BLVRA: variants seen among roughly 807,000 people sequenced by gnomAD.
BLVRA encodes the protein biliverdin reductase A, also known as BVR A.
In BLVRA, 22 loss-of-function variants were observed where a neutral mutation model predicts 32.8. The observed-to-expected ratio is 0.67, with a 90% CI of 0.48 to 0.96. The LOEUF (loss-of-function observed/expected upper bound fraction) is 0.96, where lower values mean the gene tolerates loss of function less well. Ranked by LOEUF, BLVRA falls within the 40% of genes least tolerant of loss-of-function variation. The pLI is 0.00. For synonymous variants in BLVRA, 119 were observed against 141.3 expected, an observed-to-expected ratio of 0.84 and a Z score of 1.12; for missense variants, 323 against 358.1, an observed-to-expected ratio of 0.90 and a Z score of 0.79.
chr7:43,761,141 A>G lies in BLVRA; in HGVS notation c.-22+2407A>G, dbSNP rs540234562. The stretch of plus-strand genomic sequence containing the variant: ...TGCTAGATCTGCCTTATGGTCAGAA[A>G]TGAAGGTTGAACTCTCAGGAACAGT... On this transcript the variant is annotated intron_variant, in intron 1 of 7. Coordinates refer to ENST00000265523, the MANE Select transcript of BLVRA (RefSeq NM_000712.4). Among the ~76,000 whole-genome samples, 13 of 152,336 alleles carry G rather than the reference A, an allele frequency of 8.5e-5. No individual in the cohort carries two copies. In the East Asian group the frequency reaches 2.5e-3, roughly 29 times the overall value.
intron 1 of BLVRA, among the ~76,000 whole-genome samples, chr7:43,770,707 C>A (rs2095753786): frequency 6.6e-6 from 1 of 152,102 alleles, no homozygotes; most frequent in South Asian, 2.1e-4. Flanking sequence ...TACTAAATTG[C>A]AGTCCTCCAG....
rs368001334 is a variant in BLVRA at position 43,791,358 on chromosome 7, G to C, written c.244G>C (p.Asp82His). The C allele has an allele frequency of 6.2e-7, 1 of 1,614,036 alleles. No homozygotes were observed. Among genetic ancestry groups the C allele is most frequent in the Non-Finnish European group, 8.5e-7 (1 of 1,180,024 alleles). The change falls in exon 4 of 8, where the codon GAC becomes CAC. Residue 82 changes from aspartate to histidine, a missense_variant. Asp to His is a moderately conservative substitution (Grantham distance 81, BLOSUM62 -1). Coordinates refer to ENST00000265523, the MANE Select transcript of BLVRA (RefSeq NM_000712.4). ...CTGCAGTGAGAGCTCCAGCCATGAG[G>C]ACTACATCAGGTGGGTTTTCCACAC... Reference protein sequence around the residue: ...YICSESSSHEDYIRQFLNAGK... With the variant: ...YICSESSSHEHYIRQFLNAGK...
intron 6 of BLVRA, among the ~76,000 whole-genome samples, chr7:43,802,646 G>A (rs2095799821): frequency 6.6e-6 from 1 of 152,066 alleles, no homozygotes; most frequent in South Asian, 2.1e-4. Context: ...CTGCAGGTGT[G>A]CACCACGACA....
chr7:43,807,176 A>G lies in BLVRA; in HGVS notation c.832A>G (p.Ile278Val). The G allele has an allele frequency of 6.2e-7, 1 of 1,613,108 alleles. No homozygotes were observed. Among genetic ancestry groups the G allele is most frequent in the Non-Finnish European group, 8.5e-7 (1 of 1,179,996 alleles). ...EKELAAEKKR[I>V]LHCLGLAEEI... is the part of the protein sequence containing the mutation. ...GGAACTGGCTGCTGAAAAGAAACGCATCCTGCACTGCCTGGGGCTTGCAGA... is the reference window on the plus strand; with the variant it reads ...GGAACTGGCTGCTGAAAAGAAACGCGTCCTGCACTGCCTGGGGCTTGCAGA... Residue 278 changes from isoleucine to valine, a missense_variant, in exon 8 of 8, where the codon ATC (isoleucine) becomes GTC (valine). Physicochemically the swap from Ile to Val is conservative, Grantham distance 29 (BLOSUM62 3). Transcript: ENST00000265523.
intron 2 of BLVRA, among the ~76,000 whole-genome samples, chr7:43,782,087 C>A (rs929507514): frequency 1.3e-5 from 2 of 152,180 alleles, no homozygotes; most frequent in Admixed American, 1.3e-4. Context: ...CTGTAGCTGT[C>A]GGGGTGCCTC....
In BLVRA at chr7:43,803,669, C is replaced by G; in HGVS notation, c.461-7C>G. On this transcript the variant is annotated splice_region_variant and splice_polypyrimidine_tract_variant and intron_variant, in intron 6 of 7. Transcript: ENST00000265523. ...CCAGTTCCCACAGCATTTGTGATTTCCCACAGCTGGCCCGTTGGAAGAAGA... is the reference window on the plus strand; with the variant it reads ...CCAGTTCCCACAGCATTTGTGATTTGCCACAGCTGGCCCGTTGGAAGAAGA... 1 of 1,503,626 alleles carries G rather than the reference C, an allele frequency of 6.7e-7. No individual in the cohort carries two copies. Among genetic ancestry groups the G allele is most frequent in the Non-Finnish European group, 9.0e-7 (1 of 1,111,360 alleles). The allele number at this position is 1,503,626 out of a possible 1,614,324, so 93.1% of individuals were successfully genotyped here.
intron 6 of BLVRA, among the ~76,000 whole-genome samples, chr7:43,801,758 C>T (rs1585743804): frequency 1.3e-5 from 2 of 152,110 alleles, no homozygotes; most frequent in African/African-American, 2.4e-5. Context: ...ACAGAGGTAA[C>T]GTAGCGGTCA....
At chr7:43,794,553 G>C (rs1377360646) in intron 5 of BLVRA, among the ~76,000 whole-genome samples, 3 of 152,072 alleles carry the variant, frequency 2.0e-5, no homozygotes, top group Non-Finnish European at 4.4e-5. Context: ...TGGCCAACAT[G>C]GTGAAACCCC....
At chr7:43,761,736 C>T (rs1025643405) in intron 1 of BLVRA, among the ~76,000 whole-genome samples, 2 of 152,122 alleles carry the variant, frequency 1.3e-5, no homozygotes, top group Non-Finnish European at 2.9e-5. Context: ...GGGATGCAGT[C>T]AGTGAAAGTG....
At chr7:43,785,163 T>C (rs908819294) in intron 2 of BLVRA, among the ~76,000 whole-genome samples, 5 of 152,108 alleles carry the variant, frequency 3.3e-5, no homozygotes, top group Admixed American at 6.6e-5. Flanking sequence ...AATGTAGTAA[T>C]ACGGTAACCT....
rs578214871 is a variant in BLVRA, at chr7:43,783,046, G to A, written c.13-4858G>A. 8.3e-4 allele frequency among the ~76,000 whole-genome samples: 126 copies of A among 152,254 alleles called. 1 individual carries two copies. The highest frequency in any genetic ancestry group is 2.9e-3 in the African/African-American group (122 of 41,546). ...TGTAGAGGGAGCTCCAGGAAGGGAA[G>A]CGGGAGTGAGCCAAGGCGCTATACA... On this transcript the variant is annotated intron_variant, in intron 2 of 7. Coordinates refer to ENST00000265523, the MANE Select transcript of BLVRA (RefSeq NM_000712.4).
At chr7:43,806,583 A>C (rs1455094103) in intron 7 of BLVRA, among the ~76,000 whole-genome samples, 1 of 151,690 alleles carries the variant, frequency 6.6e-6, no homozygotes, top group Non-Finnish European at 1.5e-5. Flanking sequence ...TTCTACTAAA[A>C]ATATTTTTTT....
At chr7:43,759,993 T>TA (rs2095740511) in intron 1 of BLVRA, 1 of 131,542 alleles carries the variant, frequency 7.6e-6, no homozygotes, top group Non-Finnish European at 1.7e-5. Flanking sequence ...ATGTAATTTT[T>TA]TTTTTTTTTT....
At chr7:43,806,928 T>C (rs747065418) in intron 7 of BLVRA, 49 bp from the exon 8 acceptor site, 1 of 1,610,490 alleles carries the variant, frequency 6.2e-7, no homozygotes, top group South Asian at 1.1e-5. Flanking sequence ...CACCCACTTG[T>C]GCTCTTGTGT....
chr7:43,795,189 C>T (rs766790096), intron 5 of BLVRA, among the ~76,000 whole-genome samples: 25 of 151,916 alleles, frequency 1.6e-4, no homozygotes, highest in Non-Finnish European at 2.9e-4. Flanking sequence ...TTAGCCTGGG[C>T]GACACAGTGA....
chr7:43,797,632 A>G (rs948330908), intron 5 of BLVRA, among the ~76,000 whole-genome samples: 6 of 152,228 alleles, frequency 3.9e-5, no homozygotes, highest in Non-Finnish European at 8.8e-5. Flanking sequence ...TGGCATTGGT[A>G]CATTACAACA....
chr7:43,795,898 G>A (rs2095792223), intron 5 of BLVRA, among the ~76,000 whole-genome samples: 1 of 151,896 alleles, frequency 6.6e-6, no homozygotes, highest in Non-Finnish European at 1.5e-5. Flanking sequence ...AAGGTCAAGA[G>A]TCCAAGACCT....
rs1468339357 is a variant in BLVRA, at chr7:43,787,875, A to T, written c.13-29A>T. ...TCTGCTCGATGCCTACAGTGTTTTCAGACTCCACCTTGGTCCCTTGTGTTT... is the reference window on the plus strand; with the variant it reads ...TCTGCTCGATGCCTACAGTGTTTTCTGACTCCACCTTGGTCCCTTGTGTTT... On this transcript the variant is annotated intron_variant, in intron 2 of 7. Transcript: ENST00000265523. The surrounding 1 kb of genome is among the most constrained non-coding windows in gnomAD (Gnocchi z 4.5). 6.2e-7 allele frequency: 1 copy of T among 1,613,966 alleles called. No homozygotes were observed. The highest frequency in any genetic ancestry group is 2.2e-5 in the East Asian group (1 of 44,888).
intron 2 of BLVRA, among the ~76,000 whole-genome samples, chr7:43,771,766 G>A (rs1206414266): frequency 6.6e-6 from 1 of 152,162 alleles, no homozygotes; most frequent in African/African-American, 2.4e-5. Context: ...ACAGCCTTGT[G>A]CTGTTTGCAG....
Sources: allele counts gnomAD v4.1 joint callset (sites outside exome capture counted in the v4.1 genomes callset), GRCh38; gene constraint gnomAD v4.1.1; non-coding constraint Gnocchi (gnomAD v3.1); transcripts MANE v1.5; gene names NCBI Gene and HGNC (gene_info 2026-07-23, HGNC 2026-07-21).